Variants in BFSP1 observed in about 807,000 individuals in gnomAD.
The protein encoded by BFSP1 is beaded filament structural protein 1, also known as filensin.
Under a neutral mutation model 43.9 loss-of-function variants are expected in BFSP1, and 38 were observed. That is an observed-to-expected ratio of 0.87 (90% CI 0.67 to 1.14). BFSP1 has a LOEUF of 1.14. BFSP1 is among the 50% of genes most tolerant of loss of function. The pLI is 0.00. For missense variants in BFSP1, 850 were observed against 875.1 expected, an observed-to-expected ratio of 0.97 and a Z score of 0.36; for synonymous variants, 352 against 354.8, an observed-to-expected ratio of 0.99 and a Z score of 0.09.
upstream of BFSP1, among the ~76,000 whole-genome samples, chr20:17,562,210 G>A (rs1455530404): frequency 2.6e-5 from 4 of 151,260 alleles, no homozygotes; most frequent in East Asian, 2.0e-4. Flanking sequence ...ATGAGCCACC[G>A]CGCCCGGAGG....
chr20:17,558,587 G>T, intron 1 of BFSP1: 1 of 1,299,402 alleles, frequency 7.7e-7, no homozygotes, highest in Non-Finnish European at 1.1e-6. Context: ...CAACCCGCTT[G>T]CTGTACCTTC....
intron 5 of BFSP1, among the ~76,000 whole-genome samples, chr20:17,500,547 A>G (rs1214233284): frequency 1.3e-5 from 2 of 152,270 alleles, no homozygotes; most frequent in Non-Finnish European, 2.9e-5. Context: ...ACATGCAATT[A>G]TGTACAACAC....
chr20:17,536,929 A>C (rs1027709991), intron 1 of BFSP1, among the ~76,000 whole-genome samples: 1 of 152,180 alleles, frequency 6.6e-6, no homozygotes, highest in African/African-American at 2.4e-5. Context: ...CACATGTTGA[A>C]GTCCTAACTC....
chr20:17,523,809 T>C (rs1205525267), intron 2 of BFSP1, among the ~76,000 whole-genome samples: 3 of 151,638 alleles, frequency 2.0e-5, no homozygotes, highest in Admixed American at 6.6e-5. Flanking sequence ...CAAAATTGGG[T>C]TTCCCCTAGA....
chr20:17,535,648 G>C (rs2034616143), upstream of BFSP1, among the ~76,000 whole-genome samples: 1 of 152,198 alleles, frequency 6.6e-6, no homozygotes, highest in Admixed American at 6.5e-5. Flanking sequence ...ATAAGTATGA[G>C]AGATAGTAAG....
intron 2 of BFSP1, among the ~76,000 whole-genome samples, chr20:17,522,715 ATTCAG>A (rs1341541177): frequency 6.6e-6 from 1 of 152,230 alleles, no homozygotes; most frequent in Non-Finnish European, 1.5e-5. Context: ...GTGATCAGGG[ATTCAG>A]CACCACCAGG....
chr20:17,566,948 G>A (rs1249359365), intron 1 of BFSP1, among the ~76,000 whole-genome samples: 25 of 152,040 alleles, frequency 1.6e-4, no homozygotes, highest in Admixed American at 1.4e-3. Flanking sequence ...CACGGTGCCC[G>A]GCCTAGGACC....
intron 1 of BFSP1, among the ~76,000 whole-genome samples, chr20:17,539,105 C>CTTGTTT (rs34002192): frequency 1.6e-5 from 1 of 63,564 alleles, no homozygotes; most frequent in Non-Finnish European, 2.9e-5. Flanking sequence ...ATTTCTTCTT[C>CTTGTTT]TTTTTTTTTT....
At chr20:17,543,731 T>C (rs1263373556) in intron 1 of BFSP1, among the ~76,000 whole-genome samples, 1 of 152,092 alleles carries the variant, frequency 6.6e-6, no homozygotes, top group Non-Finnish European at 1.5e-5. Flanking sequence ...TATGTACCAG[T>C]GAAGATATGC....
At chr20:17,535,535 A>C (rs533473145), upstream of BFSP1, among the ~76,000 whole-genome samples, 7 of 152,366 alleles carry the variant, frequency 4.6e-5, no homozygotes, top group East Asian at 5.8e-4. Context: ...ATCTCAAAAA[A>C]AGGAAAATAT....
intron 1 of BFSP1, among the ~76,000 whole-genome samples, chr20:17,549,559 G>A (rs909546909): frequency 6.6e-6 from 1 of 152,298 alleles, no homozygotes; most frequent in Non-Finnish European, 1.5e-5. Context: ...CACAGTCCAG[G>A]CACAGTAGGC....
Position 17,528,095 on chromosome 20 carries a change from A to G in BFSP1, c.377+2858T>C, listed in dbSNP as rs114440647. ...TTCCCCTGGCTTTAGGTAGCCATCAACTCACCTCTGGAATGTAAACTCCAG... is the reference window on the plus strand; with the variant it reads ...TTCCCCTGGCTTTAGGTAGCCATCAGCTCACCTCTGGAATGTAAACTCCAG... On this transcript the variant is annotated intron_variant, in intron 1 of 7. Transcript: ENST00000377873. 6.3e-3 allele frequency among the ~76,000 whole-genome samples: 952 copies of G among 152,232 alleles called. 7 individuals carry two copies. The highest frequency in any genetic ancestry group is 0.022 in the African/African-American group (901 of 41,518).
In BFSP1 at chr20:17,494,161, C is replaced by CA; in HGVS notation, c.1910_1911insT (p.Gln637HisfsTer4). 1 of 1,614,160 alleles carries CA rather than the reference C, an allele frequency of 6.2e-7. No homozygotes were observed. The highest frequency in any genetic ancestry group is 8.5e-7 in the Non-Finnish European group (1 of 1,180,042). On this transcript the variant is annotated frameshift_variant, in exon 8 of 8. Transcript: ENST00000377873. LOFTEE classifies it high-confidence loss of function. ...CGATCACAGCGGTTTCTTCATATGT[C>CA]TGAATGCTCTCCGTGGAAATCTTCT...
chr20:17,498,991 T>C lies in BFSP1; in HGVS notation c.785A>G (p.Asp262Gly). The change falls in exon 6 of 8, where the codon GAT (aspartate) becomes GGT (glycine). Residue 262 changes from aspartate to glycine, a missense_variant. Physicochemically the swap from Asp to Gly is moderately conservative, Grantham distance 94 (BLOSUM62 -1). Transcript: ENST00000377873. ...AIKSAHECYDDEIQLYNEQIE... is the reference protein window; with the variant it reads ...AIKSAHECYDGEIQLYNEQIE... ...CTGCTCGTTATAAAGCTGAATCTCA[T>C]CGTCATAACACTCATGGGCACTTTT... 6.2e-7 allele frequency: 1 copy of C among 1,614,172 alleles called. No homozygotes were observed. Among genetic ancestry groups the C allele is most frequent in the Non-Finnish European group, 8.5e-7 (1 of 1,180,032 alleles).
intron 3 of BFSP1, among the ~76,000 whole-genome samples, chr20:17,512,814 G>T (rs143119172): frequency 2.0e-5 from 3 of 152,300 alleles, no homozygotes; most frequent in Admixed American, 2.0e-4. Context: ...ATCAGGCCTG[G>T]ACTAAAAGAC....
In BFSP1 at chr20:17,511,999, T is replaced by C. The variant is rs1039512927; in HGVS notation, c.604A>G (p.Ile202Val). The C allele has an allele frequency of 1.9e-6, 3 of 1,610,314 alleles. No individual in the cohort carries two copies. The highest frequency in any genetic ancestry group is 1.7e-5 in the Admixed American group (1 of 60,012). ...QIIHTTPPAS[I>V]VTSGMREEKL... ...ACCTCCCTCATCCCACTCGTCACAATGGATGCTGGAGGAGTGGTGTGGATG... is the reference window on the plus strand; with the variant it reads ...ACCTCCCTCATCCCACTCGTCACAACGGATGCTGGAGGAGTGGTGTGGATG... The change falls in exon 4 of 8, where the codon ATT becomes GTT. Residue 202 changes from isoleucine (I) to valine (V), a missense_variant. Ile to Val is a conservative substitution (Grantham distance 29). Coordinates refer to ENST00000377873, the MANE Select transcript of BFSP1 (RefSeq NM_001195.5).
At position 17,505,743 on chromosome 20, in the gene BFSP1, C is replaced by T. The variant is rs551014547; in HGVS notation, c.735+3146G>A. ...TGGGACCCGCCCTTACCCTGTGGTTCTCAGTGTGGCTCCTGGACCAGCCGC... is the reference window on the plus strand; with the variant it reads ...TGGGACCCGCCCTTACCCTGTGGTTTTCAGTGTGGCTCCTGGACCAGCCGC... On this transcript the variant is annotated intron_variant, in intron 5 of 7. Coordinates refer to ENST00000377873, the MANE Select transcript of BFSP1 (RefSeq NM_001195.5). 2.0e-5 allele frequency among the ~76,000 whole-genome samples: 3 copies of T among 152,336 alleles called. No individual in the cohort carries two copies. The South Asian group carries it at 6.2e-4, about 32-fold the overall frequency.
chr20:17,498,358 A>G (rs2033706473), intron 6 of BFSP1, among the ~76,000 whole-genome samples: 1 of 152,226 alleles, frequency 6.6e-6, no homozygotes, highest in African/African-American at 2.4e-5. Flanking sequence ...AGACTGACTC[A>G]GCAAGGTGCT....
At chr20:17,502,903 G>A (rs1015511878) in intron 5 of BFSP1, among the ~76,000 whole-genome samples, 5 of 152,172 alleles carry the variant, frequency 3.3e-5, no homozygotes, top group African/African-American at 4.8e-5. Context: ...ACCCCTTTGA[G>A]CCCCAAATCT....
Sources: allele counts gnomAD v4.1 joint callset (sites outside exome capture counted in the v4.1 genomes callset), GRCh38; gene constraint gnomAD v4.1.1; transcripts MANE v1.5; gene names NCBI Gene and HGNC (gene_info 2026-07-23, HGNC 2026-07-21).